Variants in FHIT observed in about 807,000 individuals in gnomAD.
FHIT encodes bis(5'-adenosyl)-triphosphatase.
FHIT carries 19 observed loss-of-function variants against 17.9 expected under a neutral mutation model. That is an observed-to-expected ratio of 1.06 (90% CI 0.74 to 1.56). The LOEUF (loss-of-function observed/expected upper bound fraction) is 1.56. Ranked by LOEUF, FHIT falls within the 40% of genes most tolerant of loss-of-function variation. The pLI is 0.00. For missense variants in FHIT, 248 were observed against 189.2 expected (o/e 1.31, Z -1.82); for synonymous variants, 81 against 69.7 (o/e 1.16, Z -0.81).
At chr3:60,224,570 G>A (rs1007026506) in intron 5 of FHIT, among the ~76,000 whole-genome samples, 4 of 152,020 alleles carry the variant, frequency 2.6e-5, no homozygotes, top group East Asian at 1.9e-4. Context: ...CCAGTTCACC[G>A]GAGCTGCCTG....
At chr3:60,574,219 T>G (rs1205614310) in intron 4 of FHIT, among the ~76,000 whole-genome samples, 5 of 152,142 alleles carry the variant, frequency 3.3e-5, no homozygotes, top group African/African-American at 7.2e-5. Flanking sequence ...CAAGACACTG[T>G]GAGCCCTCTC....
intron 2 of FHIT, among the ~76,000 whole-genome samples, chr3:61,138,237 G>T (rs566335032): frequency 7.2e-5 from 11 of 152,184 alleles, no homozygotes; most frequent in Non-Finnish European, 1.2e-4. Context: ...AGACAACCTG[G>T]CTGGTCCAGC....
chr3:60,600,457 T>C (rs572266113), intron 4 of FHIT, among the ~76,000 whole-genome samples: 2 of 152,284 alleles, frequency 1.3e-5, no homozygotes, highest in African/African-American at 4.8e-5. Context: ...AAGAAACTAA[T>C]TTTTAAAAGT....
chr3:60,795,526 C>A (rs187638014), intron 4 of FHIT, among the ~76,000 whole-genome samples: 49 of 134,920 alleles, frequency 3.6e-4, no homozygotes, highest in African/African-American at 1.1e-3. Context: ...TTTTTTAAGA[C>A]AGGGTCTTAC....
At chr3:60,830,479 G>A (rs545199648) in intron 3 of FHIT, among the ~76,000 whole-genome samples, 98 of 152,204 alleles carry the variant, frequency 6.4e-4, no homozygotes, top group Non-Finnish European at 1.1e-3. Flanking sequence ...TAAGATTCTT[G>A]TAACAAAATA....
chr3:60,411,117 T>C (rs242197), intron 5 of FHIT, among the ~76,000 whole-genome samples: 75,323 of 151,898 alleles, frequency 0.5, 20,881 homozygotes, highest in Non-Finnish European at 0.62. Flanking sequence ...AAAGGATTTC[T>C]GTCTGCACCA....
In FHIT at chr3:59,790,506, TTCTCTC is replaced by T. The variant is rs574974245; in HGVS notation, c.349-38191_349-38186del. On this transcript the variant is annotated intron_variant, in intron 8 of 9. Coordinates refer to ENST00000492590, the MANE Select transcript of FHIT (RefSeq NM_002012.4). ...GTTCATTGCTTCTCTCTCTCTCTCTTTCTCTCTCTCTCTCTCTCTCTCTGTGTGTGT... is the reference window on the plus strand; with the variant it reads ...GTTCATTGCTTCTCTCTCTCTCTCTTTCTCTCTCTCTCTCTCTGTGTGTGT... Among the ~76,000 whole-genome samples, 235 of 150,662 alleles carry T rather than the reference TTCTCTC, an allele frequency of 1.6e-3. 1 individual carries two copies. Among genetic ancestry groups the T allele is most frequent in the African/African-American group, 5.2e-3 (213 of 40,924 alleles).
chr3:60,706,666 A>C (rs987805538), intron 4 of FHIT, among the ~76,000 whole-genome samples: 2 of 152,210 alleles, frequency 1.3e-5, no homozygotes, highest in Non-Finnish European at 2.9e-5. Flanking sequence ...TCTCCTCAAA[A>C]AGGAAGAAAA....
chr3:60,770,111 A>G (rs1699990705), intron 4 of FHIT, among the ~76,000 whole-genome samples: 1 of 152,194 alleles, frequency 6.6e-6, no homozygotes, highest in Non-Finnish European at 1.5e-5. Flanking sequence ...TATTCCTGCT[A>G]CTGCCGTGTG....
At chr3:60,155,437 G>A (rs969909500) in intron 5 of FHIT, among the ~76,000 whole-genome samples, 1 of 152,114 alleles carries the variant, frequency 6.6e-6, no homozygotes, top group South Asian at 2.1e-4. Flanking sequence ...GACTTGAAGC[G>A]AAGCTGCCTG....
At chr3:60,959,549 G>A (rs973961954) in intron 3 of FHIT, among the ~76,000 whole-genome samples, 6 of 152,194 alleles carry the variant, frequency 3.9e-5, no homozygotes, top group Admixed American at 1.3e-4. Context: ...AAATAGTAAT[G>A]CAGAGCAGTG....
chr3:59,921,348 T>A (rs779587266), intron 8 of FHIT, among the ~76,000 whole-genome samples: 3 of 152,088 alleles, frequency 2.0e-5, no homozygotes, highest in Non-Finnish European at 4.4e-5. Context: ...GGAAACAAGG[T>A]AGAGATAATC....
At chr3:61,043,634 T>G (rs1047896515) in intron 2 of FHIT, among the ~76,000 whole-genome samples, 12 of 152,110 alleles carry the variant, frequency 7.9e-5, no homozygotes, top group African/African-American at 2.7e-4. Flanking sequence ...GAGCAGTGGT[T>G]CTCCCACCAT....
intron 4 of FHIT, among the ~76,000 whole-genome samples, chr3:60,635,558 T>C (rs575925080): frequency 4.6e-5 from 7 of 152,336 alleles, no homozygotes; most frequent in Non-Finnish European, 8.8e-5. Flanking sequence ...TGTGTGTATG[T>C]TTATTATCTT....
intron 3 of FHIT, among the ~76,000 whole-genome samples, chr3:60,850,323 TTCTCTC>T (rs3046704): frequency 0.025 from 2,978 of 120,128 alleles, 107 homozygotes; most frequent in African/African-American, 0.079. Flanking sequence ...GTGTCTGCAC[TTCTCTC>T]TCTCTCTCTC....
intron 5 of FHIT, among the ~76,000 whole-genome samples, chr3:60,502,393 C>T (rs769782870): frequency 6.6e-6 from 1 of 152,190 alleles, no homozygotes; most frequent in Non-Finnish European, 1.5e-5. Flanking sequence ...TTGCACGGCA[C>T]AGCATTCTCT....
chr3:60,082,389 A>C (rs13321394), intron 5 of FHIT, among the ~76,000 whole-genome samples: 11,735 of 152,092 alleles, frequency 0.077, 649 homozygotes, highest in African/African-American at 0.15. Flanking sequence ...TGGGCACCTA[A>C]GTTGATTTCA....
At chr3:61,068,317 T>G (rs921795642) in intron 2 of FHIT, among the ~76,000 whole-genome samples, 1 of 152,206 alleles carries the variant, frequency 6.6e-6, no homozygotes, top group Non-Finnish European at 1.5e-5. Context: ...GAAGTCCTGT[T>G]TCCTTATTGC....
intron 2 of FHIT, among the ~76,000 whole-genome samples, chr3:61,156,357 T>C (rs138589027): frequency 6.6e-6 from 1 of 152,150 alleles, no homozygotes; most frequent in Non-Finnish European, 1.5e-5. Context: ...ACAGAAACAT[T>C]GGTGACCTTG....
Sources: allele counts gnomAD v4.1 joint callset (sites outside exome capture counted in the v4.1 genomes callset), GRCh38; gene constraint gnomAD v4.1.1; transcripts MANE v1.5; gene names NCBI Gene and HGNC (gene_info 2026-07-23, HGNC 2026-07-21).